The following DLG2 variants were observed in gnomAD, a reference collection of about 807,000 sequenced individuals.
The protein encoded by DLG2 is disks large homolog 2.
DLG2 carries 45 observed loss-of-function variants against 132.5 expected under a neutral mutation model. The ratio of observed to expected loss-of-function variants is 0.34; its 90% CI spans 0.27 to 0.44. The LOEUF is 0.44. Ranked by LOEUF, DLG2 falls within the 20% of genes least tolerant of loss-of-function variation. The pLI is 1.00. For synonymous variants in DLG2, 424 were observed against 419.6 expected, an observed-to-expected ratio of 1.01 and a Z score of -0.13; for missense variants, 1,045 against 1,196.9, an observed-to-expected ratio of 0.87 and a Z score of 1.87.
At chr11:83,950,435 A>C (rs554471630) in intron 14 of DLG2, among the ~76,000 whole-genome samples, 1 of 152,288 alleles carries the variant, frequency 6.6e-6, no homozygotes, top group African/African-American at 2.4e-5. Context: ...CCTCTACTAA[A>C]AATACAAGAT....
intron 19 of DLG2, among the ~76,000 whole-genome samples, chr11:83,566,546 T>C (rs749485555): frequency 3.9e-5 from 6 of 152,076 alleles, no homozygotes; most frequent in East Asian, 1.9e-4. Context: ...GAAAACCTCA[T>C]AGAGTTCCTG....
At chr11:85,265,312 A>C (rs953136733) in intron 4 of DLG2, among the ~76,000 whole-genome samples, 3 of 152,218 alleles carry the variant, frequency 2.0e-5, no homozygotes, top group Non-Finnish European at 2.9e-5. Flanking sequence ...AACCCAAAAC[A>C]ATTAGATGCT....
In DLG2 at chr11:83,567,632, G is replaced by A. The variant is rs138978057; in HGVS notation, c.1941-25774C>T. ...TAATTCAGCAACTAGTGCTAAAGGC[G>A]TAGATTGCAACAGAGGACTTAATCC... On this transcript the variant is annotated intron_variant, in intron 19 of 27. Transcript: ENST00000376104. Among the ~76,000 whole-genome samples the A allele has an allele frequency of 1.9e-3, 290 of 152,278 alleles. 1 individual carries two copies. Among genetic ancestry groups the A allele is most frequent in the African/African-American group, 6.0e-3 (251 of 41,574 alleles).
intron 3 of DLG2, among the ~76,000 whole-genome samples, chr11:85,434,424 C>A (rs1273895028): frequency 4.0e-5 from 6 of 150,518 alleles, no homozygotes; most frequent in Non-Finnish European, 8.9e-5. Flanking sequence ...AAATAGACCA[C>A]TAACAGACTA....
At chr11:83,461,305 A>G (rs776150444) in intron 27 of DLG2, among the ~76,000 whole-genome samples, 1 of 151,972 alleles carries the variant, frequency 6.6e-6, no homozygotes, top group Non-Finnish European at 1.5e-5. Flanking sequence ...GCCCAGCTCG[A>G]AAGTTCTTGT....
intron 5 of DLG2, among the ~76,000 whole-genome samples, chr11:85,146,060 C>T (rs533576298): frequency 1.3e-5 from 2 of 152,228 alleles, no homozygotes; most frequent in East Asian, 3.9e-4. Flanking sequence ...CTGGGAGATA[C>T]CGCAGAACTA....
rs764976611 is a variant in DLG2, at chr11:83,577,484, T to TTA, written c.1941-35628_1941-35627dup. 1.3e-3 allele frequency among the ~76,000 whole-genome samples: 163 copies of TTA among 124,342 alleles called. 3 individuals carry two copies. The highest frequency in any genetic ancestry group is 0.013 in the Middle Eastern group (3 of 232). 81.6% of individuals were successfully genotyped at this position (124,342 alleles called of 152,430 possible). A position where few individuals can be genotyped will look rare whatever the true frequency, so the allele number is the denominator to read the frequency against. The stretch of plus-strand genomic sequence containing the variant: ...ATATATATATATAAAATAGGATATA[T>TTA]TATATATATATATAATAGGATATAT... On this transcript the variant is annotated intron_variant, in intron 19 of 27. Coordinates refer to ENST00000376104, the MANE Select transcript of DLG2 (RefSeq NM_001142699.3).
chr11:84,066,956 G>A (rs1166664498), intron 10 of DLG2, among the ~76,000 whole-genome samples: 1 of 152,106 alleles, frequency 6.6e-6, no homozygotes, highest in Non-Finnish European at 1.5e-5. Flanking sequence ...GCTGATCAAT[G>A]TTTAATGTGC....
chr11:84,991,759 G>A (rs990303025), intron 6 of DLG2, among the ~76,000 whole-genome samples: 1 of 152,050 alleles, frequency 6.6e-6, no homozygotes, highest in Non-Finnish European at 1.5e-5. Flanking sequence ...GGAGGGTATG[G>A]CAGATCGTCC....
chr11:83,639,930 G>A (rs2065984727), intron 18 of DLG2, among the ~76,000 whole-genome samples: 1 of 152,164 alleles, frequency 6.6e-6, no homozygotes. Flanking sequence ...AAGTGGTTGT[G>A]AGACTCAAAA....
rs1175823245 is a variant in DLG2, at chr11:85,258,009, T to G, written c.186+27211A>C. Among the ~76,000 whole-genome samples the G allele has an allele frequency of 3.6e-4, 55 of 152,170 alleles. 1 individual carries two copies. The highest frequency in any genetic ancestry group is 3.6e-3 in the Admixed American group (55 of 15,280). ...GAAGAGCTCTTATATACACTTTTAC[T>G]CTAAGGACTCAGGAACTGATACTGT... On this transcript the variant is annotated intron_variant, in intron 4 of 27. Coordinates refer to ENST00000376104, the MANE Select transcript of DLG2 (RefSeq NM_001142699.3).
intron 17 of DLG2, among the ~76,000 whole-genome samples, chr11:83,818,441 C>CACTGTACTTTTCTTAT (rs2049735900): frequency 6.6e-6 from 1 of 152,276 alleles, no homozygotes; most frequent in African/African-American, 2.4e-5. Flanking sequence ...TCCCTTGCCT[C>CACTGTACTTTTCTTAT]ACTGTACTTT....
chr11:84,968,228 T>C (rs1411492935), intron 6 of DLG2, among the ~76,000 whole-genome samples: 1 of 152,184 alleles, frequency 6.6e-6, no homozygotes, highest in African/African-American at 2.4e-5. Flanking sequence ...ATTCATAACA[T>C]CTAACATATA....
At chr11:84,146,333 A>T (rs2095080718) in intron 9 of DLG2, among the ~76,000 whole-genome samples, 1 of 152,212 alleles carries the variant, frequency 6.6e-6, no homozygotes, top group South Asian at 2.1e-4. Context: ...TTTTAAAATA[A>T]CAAAAAAGTA....
intron 3 of DLG2, among the ~76,000 whole-genome samples, chr11:85,451,744 C>G (rs569933416): frequency 5.3e-5 from 8 of 152,164 alleles, no homozygotes; most frequent in Non-Finnish European, 1.2e-4. Context: ...GCAACAGGGT[C>G]TCGCTGTGTT....
At chr11:83,988,549 A>G (rs2093494954) in intron 11 of DLG2, among the ~76,000 whole-genome samples, 2 of 152,100 alleles carry the variant, frequency 1.3e-5, no homozygotes, top group African/African-American at 4.8e-5. Flanking sequence ...ATGAGCATGG[A>G]ATGTTTTTCC....
rs191267073 is a variant in DLG2 at position 85,433,053 on chromosome 11, A to G, written c.41-147688T>C. ...GAAAGAATTTTTAACCCAGAATTTC[A>G]TATCTGGCCAAACTAAGCTTCATCA... On this transcript the variant is annotated intron_variant, in intron 3 of 27. Transcript: ENST00000376104. Among the ~76,000 whole-genome samples the G allele has an allele frequency of 1.2e-3, 182 of 152,338 alleles. 1 individual carries two copies. Among genetic ancestry groups the G allele is most frequent in the African/African-American group, 4.2e-3 (174 of 41,576 alleles).
At chr11:84,477,979 T>C (rs1000369829) in intron 7 of DLG2, among the ~76,000 whole-genome samples, 2 of 152,164 alleles carry the variant, frequency 1.3e-5, no homozygotes, top group African/African-American at 4.8e-5. Flanking sequence ...TAAACCATTA[T>C]TAGCCCTATA....
At chr11:85,134,599 ATATG>A (rs745517926) in intron 5 of DLG2, among the ~76,000 whole-genome samples, 4 of 144,834 alleles carry the variant, frequency 2.8e-5, no homozygotes, top group Non-Finnish European at 6.0e-5. Flanking sequence ...AATATAAATA[ATATG>A]TAAGACTTCT....
Sources: gnomAD v4.1 joint callset for allele counts (sites outside exome capture counted in the v4.1 genomes callset) on GRCh38, gnomAD v4.1.1 for gene constraint, MANE v1.5 for transcripts, NCBI Gene and HGNC (gene_info 2026-07-23, HGNC 2026-07-21) for gene names.